The following LINGO2 variants were observed in gnomAD, a reference collection of about 807,000 sequenced individuals.
LINGO2 encodes leucine rich repeat and Ig domain containing 2.
A neutral mutation model predicts 30.6 loss-of-function variants in LINGO2; 14 were observed. The observed-to-expected ratio is 0.46, with a 90% CI of 0.30 to 0.72. The LOEUF (loss-of-function observed/expected upper bound fraction) is 0.72, where lower values mean the gene tolerates loss of function less well. LINGO2 is among the 30% of genes least tolerant of loss of function. The pLI, the probability that LINGO2 is intolerant of heterozygous loss-of-function variation, is 0.07. For synonymous variants in LINGO2, 317 were observed against 288.5 expected, an observed-to-expected ratio of 1.10 and a Z score of -1.00; for missense variants, 729 against 751.7, an observed-to-expected ratio of 0.97 and a Z score of 0.35.
the LINGO2 span, among the ~76,000 whole-genome samples, chr9:28,878,791 C>A: frequency 6.6e-6 from 1 of 152,128 alleles, no homozygotes; most frequent in Non-Finnish European, 1.5e-5. Flanking sequence ...TTCAACAACC[C>A]TTCATGCTAA....
At position 28,249,626 on chromosome 9, in the gene LINGO2, C is replaced by T. The variant is rs138542585; in HGVS notation, c.-87+45582G>A. Among the ~76,000 whole-genome samples, 364 of 152,092 alleles carry T rather than the reference C, an allele frequency of 2.4e-3. 1 individual carries two copies. Among genetic ancestry groups the T allele is most frequent in the African/African-American group, 8.2e-3 (342 of 41,528 alleles). ...AATGGAAATAATAAACCTCCTAAAGCCCAACCTTGCAAAAAAAACCCACTT... is the reference window on the plus strand; with the variant it reads ...AATGGAAATAATAAACCTCCTAAAGTCCAACCTTGCAAAAAAAACCCACTT... On this transcript the variant is annotated intron_variant, in intron 4 of 5. Coordinates refer to ENST00000379992, the Ensembl canonical transcript of LINGO2.
the LINGO2 span, among the ~76,000 whole-genome samples, chr9:28,783,132 T>TATAA: frequency 3.0e-4 from 46 of 152,330 alleles, 2 homozygotes; most frequent in African/African-American, 1.1e-3. Context: ...ATGAAGATAA[T>TATAA]TCAACTTCTG....
At chr9:29,144,910 C>T in the LINGO2 span, among the ~76,000 whole-genome samples, 6 of 152,020 alleles carry the variant, frequency 3.9e-5, no homozygotes, top group African/African-American at 1.4e-4. Context: ...CTGCAGGCAT[C>T]AACAGTTTTT....
chr9:28,610,476 G>T (rs1197907814), intron 1 of LINGO2, among the ~76,000 whole-genome samples: 3 of 152,174 alleles, frequency 2.0e-5, no homozygotes, highest in Admixed American at 2.0e-4. Context: ...GGGAGGTGAT[G>T]AAGTCACGAG....
chr9:28,720,819 TA>T, the LINGO2 span, among the ~76,000 whole-genome samples: 1 of 151,950 alleles, frequency 6.6e-6, no homozygotes, highest in Non-Finnish European at 1.5e-5. Flanking sequence ...TCATGCAAAA[TA>T]AAATAATAAG....
chr9:28,950,870 C>T, the LINGO2 span, among the ~76,000 whole-genome samples: 1 of 152,130 alleles, frequency 6.6e-6, no homozygotes, highest in African/African-American at 2.4e-5. Flanking sequence ...CTACGACTGA[C>T]TTTCTTCACA....
At chr9:28,045,114 C>T (rs1437351255) in intron 4 of LINGO2, among the ~76,000 whole-genome samples, 1 of 151,970 alleles carries the variant, frequency 6.6e-6, no homozygotes, top group Non-Finnish European at 1.5e-5. Flanking sequence ...TTTTTCCCCC[C>T]CATCCTTATG....
chr9:29,194,172 C>T, the LINGO2 span, among the ~76,000 whole-genome samples: 13 of 152,192 alleles, frequency 8.5e-5, no homozygotes, highest in Non-Finnish European at 1.8e-4. Flanking sequence ...ATGATTTTTA[C>T]ATACAGTAGG....
intron 4 of LINGO2, among the ~76,000 whole-genome samples, chr9:28,279,818 A>T (rs888109123): frequency 2.0e-5 from 3 of 152,156 alleles, no homozygotes; most frequent in South Asian, 2.1e-4. Context: ...CAAAGAGCCT[A>T]AAGTTTTTCC....
intron 1 of LINGO2, among the ~76,000 whole-genome samples, chr9:28,515,988 T>G (rs941606835): frequency 1.3e-5 from 2 of 152,182 alleles, no homozygotes; most frequent in African/African-American, 4.8e-5. Context: ...TCAGCGGCCA[T>G]CAACATCAAG....
At chr9:28,945,874 T>C in the LINGO2 span, among the ~76,000 whole-genome samples, 1 of 152,176 alleles carries the variant, frequency 6.6e-6, no homozygotes. Flanking sequence ...AAAATGCTCA[T>C]TTTTAGGTAC....
At chr9:28,996,144 G>C in the LINGO2 span, among the ~76,000 whole-genome samples, 1 of 149,364 alleles carries the variant, frequency 6.7e-6, no homozygotes, top group Non-Finnish European at 1.5e-5. Context: ...GGACTGTGAA[G>C]TAAGGCCTCC....
upstream of LINGO2, among the ~76,000 whole-genome samples, chr9:28,674,061 T>C (rs560680984): frequency 2.0e-5 from 3 of 152,096 alleles, no homozygotes; most frequent in Non-Finnish European, 2.9e-5. Flanking sequence ...ATAGTCTTCA[T>C]GATATAATGG....
At chr9:28,309,507 C>T (rs945995776) in intron 3 of LINGO2, among the ~76,000 whole-genome samples, 3 of 151,576 alleles carry the variant, frequency 2.0e-5, no homozygotes, top group Admixed American at 6.6e-5. Context: ...GGTTGCAGCA[C>T]ACCAGCATGG....
intron 4 of LINGO2, among the ~76,000 whole-genome samples, chr9:28,039,330 A>G (rs535202471): frequency 1.7e-4 from 26 of 152,372 alleles, no homozygotes; most frequent in South Asian, 1.0e-3. Context: ...AAGAAGTTCT[A>G]TATATAAACT....
chr9:29,035,000 T>C, the LINGO2 span, among the ~76,000 whole-genome samples: 2 of 152,296 alleles, frequency 1.3e-5, no homozygotes, highest in African/African-American at 2.4e-5. Context: ...AAATGTTAAA[T>C]ATTATTGCTA....
the LINGO2 span, among the ~76,000 whole-genome samples, chr9:29,142,988 T>G: frequency 6.6e-6 from 1 of 151,930 alleles, no homozygotes; most frequent in African/African-American, 2.4e-5. Flanking sequence ...TCAGTGGAAT[T>G]TTAATTCTCT....
At chr9:28,442,505 G>A (rs1003959114) in intron 2 of LINGO2, among the ~76,000 whole-genome samples, 24 of 152,010 alleles carry the variant, frequency 1.6e-4, no homozygotes, top group Non-Finnish European at 2.8e-4. Context: ...GTACTAATGT[G>A]CTGTATTTGT....
In LINGO2 at chr9:28,329,819, T is replaced by C. The variant is rs1159228962; in HGVS notation, c.-245-34453A>G. Among the ~76,000 whole-genome samples, 4 of 152,192 alleles carry C rather than the reference T, an allele frequency of 2.6e-5. No homozygotes were observed. Among genetic ancestry groups the C allele is most frequent in the Non-Finnish European group, 5.9e-5 (4 of 68,034 alleles). On this transcript the variant is annotated intron_variant, in intron 3 of 5. Transcript: ENST00000379992. This position sits in a 1 kb window ranked among gnomAD's most constrained non-coding sequence, Gnocchi z 4.5. ...GATAGCCATCCTCTGGGGTTTTATA[T>C]CACCTTGTGCATATCTCTATGAAAG...
Sources: gnomAD v4.1 joint callset for allele counts (sites outside exome capture counted in the v4.1 genomes callset) on GRCh38, gnomAD v4.1.1 for gene constraint, Gnocchi (gnomAD v3.1) non-coding constraint, MANE v1.5 for transcripts, NCBI Gene and HGNC (gene_info 2026-07-23, HGNC 2026-07-21) for gene names.